Variants in ZNRF3 observed in about 807,000 individuals in gnomAD.
ZNRF3 encodes the protein E3 ubiquitin-protein ligase ZNRF3.
ZNRF3 carries 23 observed loss-of-function variants against 72.5 expected under a neutral mutation model. The observed-to-expected ratio is 0.32, with a 90% CI of 0.23 to 0.45. ZNRF3 has a LOEUF of 0.45. ZNRF3 is among the 20% of genes least tolerant of loss of function. The pLI is 1.00. For synonymous variants in ZNRF3, 610 were observed against 545.3 expected, an observed-to-expected ratio of 1.12 and a Z score of -1.65; for missense variants, 1,169 against 1,272.1, an observed-to-expected ratio of 0.92 and a Z score of 1.23.
At chr22:28,961,382 A>G (rs2035355893) in intron 1 of ZNRF3, among the ~76,000 whole-genome samples, 1 of 152,226 alleles carries the variant, frequency 6.6e-6, no homozygotes, top group Non-Finnish European at 1.5e-5. Flanking sequence ...CATTGGGACA[A>G]GAACACACAT....
intron 2 of ZNRF3, among the ~76,000 whole-genome samples, chr22:28,989,853 T>C (rs2035924473): frequency 6.6e-6 from 1 of 152,172 alleles, no homozygotes; most frequent in South Asian, 2.1e-4. Context: ...AGAGAGGATG[T>C]CCTAAATTAA....
At chr22:29,006,948 C>T (rs2036261627) in intron 2 of ZNRF3, among the ~76,000 whole-genome samples, 1 of 152,212 alleles carries the variant, frequency 6.6e-6, no homozygotes, top group African/African-American at 2.4e-5. Flanking sequence ...TTTGGCATGC[C>T]TGTGAAAAGC....
At chr22:29,000,376 T>A (rs531368249) in intron 2 of ZNRF3, among the ~76,000 whole-genome samples, 176 of 152,352 alleles carry the variant, frequency 1.2e-3, no homozygotes, top group African/African-American at 3.9e-3. Flanking sequence ...GAATGTGAAA[T>A]ATGCTAGGAA....
chr22:28,905,475 G>C (rs2034188391), intron 1 of ZNRF3, among the ~76,000 whole-genome samples: 1 of 152,102 alleles, frequency 6.6e-6, no homozygotes, highest in African/African-American at 2.4e-5. Flanking sequence ...TTGGTCTCAG[G>C]GATGGGAAAA....
chr22:28,956,346 C>T (rs2123799527), intron 1 of ZNRF3, among the ~76,000 whole-genome samples: 1 of 145,406 alleles, frequency 6.9e-6, no homozygotes, highest in Admixed American at 6.9e-5. Flanking sequence ...GCCTTTGTTT[C>T]CATTTCCTTT....
chr22:28,917,347 T>C, intron 1 of ZNRF3: 1 of 883,692 alleles, frequency 1.1e-6, no homozygotes, highest in Non-Finnish European at 1.4e-6. Context: ...CATTCTGATC[T>C]AACTGCCAAC....
At chr22:28,957,642 T>C (rs13058453) in intron 1 of ZNRF3, among the ~76,000 whole-genome samples, 20,847 of 151,512 alleles carry the variant, frequency 0.14, 2,056 homozygotes, top group East Asian at 0.43. Context: ...GGTTTCACCA[T>C]GTTGGCCAGG....
At chr22:28,932,174 G>A (rs140148846) in intron 1 of ZNRF3, among the ~76,000 whole-genome samples, 2 of 152,208 alleles carry the variant, frequency 1.3e-5, no homozygotes, top group Non-Finnish European at 2.9e-5. Flanking sequence ...AGGTTGAAAG[G>A]ATTGAAGAAG....
chr22:28,919,951 A>G (rs888969242), intron 1 of ZNRF3, among the ~76,000 whole-genome samples: 3 of 152,026 alleles, frequency 2.0e-5, no homozygotes, highest in Non-Finnish European at 4.4e-5. Context: ...GACTCATGTT[A>G]TATTCATCAG....
chr22:29,009,947 C>T (rs1207247446), intron 2 of ZNRF3, among the ~76,000 whole-genome samples: 1 of 129,840 alleles, frequency 7.7e-6, no homozygotes, highest in Admixed American at 9.3e-5. Context: ...CGCTCTGTTT[C>T]CCAGGCTGGA....
rs764527704 is a variant in ZNRF3 at position 29,049,966 on chromosome 22, C to T, written c.1785C>T (p.Asp595=). 6.2e-7 allele frequency: 1 copy of T among 1,612,334 alleles called. No homozygotes were observed. The highest frequency in any genetic ancestry group is 2.2e-5 in the East Asian group (1 of 44,868). ...GCAGCTCCCTCAGCAGCGACTATGA[C>T]CCCTTCATCTACCGCAGCCGGAGCC... ...TFRSSLSSDY[D]PFIYRSRSPC... Residue 595 remains aspartate, a synonymous_variant, in exon 8 of 9, where the codon GAC becomes GAT. Transcript: ENST00000544604. This position sits in a 1 kb window ranked among gnomAD's most constrained non-coding sequence, Gnocchi z 5.2.
chr22:28,918,537 C>CATGTGT (rs1451651910), intron 1 of ZNRF3, among the ~76,000 whole-genome samples: 16 of 148,860 alleles, frequency 1.1e-4, no homozygotes, highest in East Asian at 7.9e-4. Flanking sequence ...TGCATGTGTG[C>CATGTGT]GTGTGTGTGT....
intron 2 of ZNRF3, among the ~76,000 whole-genome samples, chr22:29,023,748 C>CT (rs1256634625): frequency 6.6e-6 from 1 of 152,218 alleles, no homozygotes; most frequent in African/African-American, 2.4e-5. Context: ...TGTGGTCCCT[C>CT]TTCTGGATTT....
chr22:28,992,702 C>A (rs778401728), intron 2 of ZNRF3: 1 of 152,260 alleles, frequency 6.6e-6, no homozygotes, highest in African/African-American at 2.4e-5. Flanking sequence ...ATAGCAGGCC[C>A]CTGCAGTCAC....
At chr22:29,031,652 T>TA in intron 2 of ZNRF3, 1 of 984,642 alleles carries the variant, frequency 1.0e-6, no homozygotes, top group Non-Finnish European at 1.2e-6. Flanking sequence ...AAAATCCACT[T>TA]AGTGGCCTCC....
intron 1 of ZNRF3, among the ~76,000 whole-genome samples, chr22:28,913,391 G>A (rs1351911955): frequency 6.6e-6 from 1 of 152,170 alleles, no homozygotes; most frequent in African/African-American, 2.4e-5. Flanking sequence ...TTTCTCAAAG[G>A]ACTCAAGGTG....
intron 2 of ZNRF3, among the ~76,000 whole-genome samples, chr22:29,002,389 C>A (rs5752850): frequency 0.053 from 8,059 of 152,162 alleles, 454 homozygotes; most frequent in African/African-American, 0.14. Context: ...TAAGTTAGGG[C>A]AGATAAAAGA....
intron 1 of ZNRF3, among the ~76,000 whole-genome samples, chr22:28,946,145 C>A (rs764582005): frequency 6.6e-6 from 1 of 152,134 alleles, no homozygotes; most frequent in Non-Finnish European, 1.5e-5. Flanking sequence ...CCAAGCATTT[C>A]GGATAAGGGA....
At chr22:28,934,066 G>T (rs1287511040) in intron 1 of ZNRF3, among the ~76,000 whole-genome samples, 2 of 152,014 alleles carry the variant, frequency 1.3e-5, no homozygotes, top group Non-Finnish European at 2.9e-5. Flanking sequence ...TTAACAAAAG[G>T]CTGGGTGACC....
Sources: allele counts gnomAD v4.1 joint callset (sites outside exome capture counted in the v4.1 genomes callset), GRCh38; gene constraint gnomAD v4.1.1; non-coding constraint Gnocchi (gnomAD v3.1); transcripts MANE v1.5; gene names NCBI Gene and HGNC (gene_info 2026-07-23, HGNC 2026-07-21).